The following FGD4 variants were observed in gnomAD, a reference collection of about 807,000 sequenced individuals.
FGD4 encodes the protein FYVE, RhoGEF and PH domain-containing protein 4.
A neutral mutation model predicts 102.0 loss-of-function variants in FGD4; 42 were observed. The observed-to-expected ratio is 0.41, with a 90% CI of 0.32 to 0.53. FGD4 has a LOEUF of 0.53. FGD4 is among the 20% of genes least tolerant of loss of function. The pLI, the probability that FGD4 is intolerant of heterozygous loss-of-function variation, is 0.21. For missense variants in FGD4, 902 were observed against 1,078.2 expected, an observed-to-expected ratio of 0.84 and a Z score of 2.29; for synonymous variants, 380 against 375.7, an observed-to-expected ratio of 1.01 and a Z score of -0.13.
At position 32,641,488 on chromosome 12, in the gene FGD4, TA is replaced by T. The variant is rs1186828785; in HGVS notation, c.*958del. 1 of 152,292 alleles carries T rather than the reference TA, an allele frequency of 6.6e-6. No individual in the cohort carries two copies. Among genetic ancestry groups the T allele is most frequent in the African/African-American group, 2.4e-5 (1 of 41,566 alleles). 9.4% of individuals were successfully genotyped at this position (152,292 alleles called of 1,614,324 possible). A position where few individuals can be genotyped will look rare whatever the true frequency, so the allele number is the denominator to read the frequency against. ...GCTTCAGTCTTGATTATTCTAAGAT[TA>T]AAGTGCATTTTGGTCACTGGGACAG... On this transcript the variant is annotated 3_prime_UTR_variant, in exon 17 of 17. Transcript: ENST00000534526.
chr12:32,479,827 C>T (rs1350744839), intron 1 of FGD4, among the ~76,000 whole-genome samples: 3 of 127,182 alleles, frequency 2.4e-5, no homozygotes, highest in African/African-American at 5.9e-5. Flanking sequence ...CTCACTCTGT[C>T]ACCCTGGCTG....
In FGD4 at chr12:32,619,575, T is replaced by A. The variant is rs12319480; in HGVS notation, c.1750-123T>A. 4.2e-5 allele frequency: 46 copies of A among 1,103,142 alleles called. 1 individual carries two copies. The Admixed American group carries it at 8.3e-4, about 20-fold the overall frequency. 68.3% of individuals were successfully genotyped at this position (1,103,142 alleles called of 1,614,324 possible). A position where few individuals can be genotyped will look rare whatever the true frequency, so the allele number is the denominator to read the frequency against. On this transcript the variant is annotated intron_variant, in intron 10 of 16. Coordinates refer to ENST00000534526, the MANE Select transcript of FGD4 (RefSeq NM_001370298.3). The stretch of plus-strand genomic sequence containing the variant: ...TGAACCCGGGAGGCAGAGCTTACAA[T>A]GAGCCAAGGTCACACTATTACACTC...
chr12:32,533,670 C>T (rs774526931), intron 1 of FGD4, among the ~76,000 whole-genome samples: 14 of 152,192 alleles, frequency 9.2e-5, no homozygotes, highest in Non-Finnish European at 1.8e-4. Flanking sequence ...GGTGATCCAC[C>T]CACCTCGGCG....
chr12:32,552,578 G>A (rs898656192), intron 1 of FGD4, among the ~76,000 whole-genome samples: 4 of 151,196 alleles, frequency 2.6e-5, no homozygotes, highest in East Asian at 2.0e-4. Flanking sequence ...CACCACTCTC[G>A]GCTTTAACCA....
At chr12:32,541,205 A>G (rs182890100) in intron 1 of FGD4, among the ~76,000 whole-genome samples, 1 of 152,176 alleles carries the variant, frequency 6.6e-6, no homozygotes, top group African/African-American at 2.4e-5. Flanking sequence ...TGCATGACTG[A>G]AACAATCCCC....
intron 1 of FGD4, among the ~76,000 whole-genome samples, chr12:32,523,849 G>T (rs1258185069): frequency 6.6e-6 from 1 of 151,756 alleles, no homozygotes; most frequent in African/African-American, 2.4e-5. Context: ...GTTGTGGCAG[G>T]CACCTGTAGT....
intron 1 of FGD4, among the ~76,000 whole-genome samples, chr12:32,445,662 T>G (rs753790251): frequency 1.3e-5 from 2 of 152,214 alleles, no homozygotes; most frequent in Non-Finnish European, 2.9e-5. Context: ...TAAGCAGTCA[T>G]TTTGTGGAAT....
chr12:32,637,101 C>G (rs1333891266), intron 15 of FGD4, among the ~76,000 whole-genome samples: 1 of 143,660 alleles, frequency 7.0e-6, no homozygotes, highest in African/African-American at 2.6e-5. Context: ...GTTGGCCAGG[C>G]TTGTCTCAAA....
intron 1 of FGD4, among the ~76,000 whole-genome samples, chr12:32,510,424 AAT>A (rs1221601132): frequency 3.9e-5 from 6 of 152,216 alleles, no homozygotes; most frequent in African/African-American, 1.4e-4. Flanking sequence ...AAATTCTAGT[AAT>A]AACACTAGTT....
At chr12:32,547,934 GA>G (rs1464355120) in intron 1 of FGD4, among the ~76,000 whole-genome samples, 2 of 152,160 alleles carry the variant, frequency 1.3e-5, no homozygotes, top group African/African-American at 4.8e-5. Context: ...TCAAACTGCT[GA>G]CCTCAAGTGA....
intron 11 of FGD4, 54 bp from the exon 12 acceptor site, chr12:32,624,368 C>G: frequency 7.6e-7 from 1 of 1,319,092 alleles, no homozygotes; most frequent in Non-Finnish European, 1.1e-6. Flanking sequence ...TTTTATTCAC[C>G]CAGTGTGAAT....
At chr12:32,466,189 G>A (rs934779938) in intron 1 of FGD4, among the ~76,000 whole-genome samples, 5 of 152,128 alleles carry the variant, frequency 3.3e-5, no homozygotes, top group Non-Finnish European at 5.9e-5. Context: ...TATGTACTAG[G>A]AAATGAAAAA....
intron 1 of FGD4, among the ~76,000 whole-genome samples, chr12:32,403,169 C>T (rs1490541091): frequency 6.6e-6 from 1 of 152,108 alleles, no homozygotes; most frequent in Non-Finnish European, 1.5e-5. Context: ...GCAGAAAATT[C>T]CATTTAGCAT....
At chr12:32,525,259 T>G (rs1301911205) in intron 1 of FGD4, among the ~76,000 whole-genome samples, 12 of 152,128 alleles carry the variant, frequency 7.9e-5, no homozygotes, top group Admixed American at 7.9e-4. Flanking sequence ...TTTTCTGAGG[T>G]GTAAAGTGCC....
At chr12:32,616,224 A>G (rs1161605634) in intron 10 of FGD4, among the ~76,000 whole-genome samples, 1 of 151,998 alleles carries the variant, frequency 6.6e-6, no homozygotes. Flanking sequence ...CCTAATTTTC[A>G]CTTCTGGGAG....
chr12:32,453,955 C>A (rs1244179992), intron 1 of FGD4, among the ~76,000 whole-genome samples: 1 of 151,966 alleles, frequency 6.6e-6, no homozygotes, highest in African/African-American at 2.4e-5. Context: ...AAGAATAATT[C>A]CACGGTTTTC....
chr12:32,566,131 A>G (rs1351610816), intron 2 of FGD4, among the ~76,000 whole-genome samples: 1 of 152,214 alleles, frequency 6.6e-6, no homozygotes, highest in Non-Finnish European at 1.5e-5. Flanking sequence ...TCTGGTCCAC[A>G]GGTGGGTCCA....
intron 1 of FGD4, among the ~76,000 whole-genome samples, chr12:32,479,340 G>A (rs11052019): frequency 0.16 from 24,435 of 151,972 alleles, 2,551 homozygotes; most frequent in Non-Finnish European, 0.23. Context: ...TATAACTAAA[G>A]TTTTGTAAAA....
chr12:32,405,192 C>G (rs1344543423), intron 1 of FGD4, among the ~76,000 whole-genome samples: 2 of 151,250 alleles, frequency 1.3e-5, no homozygotes, highest in African/African-American at 2.4e-5. Context: ...CTCAGCCTCC[C>G]GAAGTGCTGG....
Sources: gnomAD v4.1 joint callset for allele counts (sites outside exome capture counted in the v4.1 genomes callset) on GRCh38, gnomAD v4.1.1 for gene constraint, MANE v1.5 for transcripts, NCBI Gene and HGNC (gene_info 2026-07-23, HGNC 2026-07-21) for gene names.